Variants in UNC13C observed in about 807,000 individuals in gnomAD.
UNC13C encodes unc-13 homolog C, also known as protein unc-13 homolog C.
A neutral mutation model predicts 245.4 loss-of-function variants in UNC13C; 174 were observed. That is an observed-to-expected ratio of 0.71 (90% CI 0.63 to 0.80). The LOEUF (loss-of-function observed/expected upper bound fraction) is 0.80. Ranked by LOEUF, UNC13C falls within the 30% of genes least tolerant of loss-of-function variation. UNC13C has a pLI of 0.00. For missense variants in UNC13C, 2,829 were observed against 2,602.9 expected (o/e 1.09, Z -1.89); for synonymous variants, 992 against 895.1 (o/e 1.11, Z -1.93).
In UNC13C at chr15:54,004,231, CCAGATCCCACAAATAAGT is replaced by C. The variant is rs564142529; in HGVS notation, c.-256-8416_-256-8399del. ...TCCATGAGTTCAGTTGCTTTGATTTCCAGATCCCACAAATAAGTGAGAATATGCAATGTTTGTCTTTCT... is the reference window on the plus strand; with the variant it reads ...TCCATGAGTTCAGTTGCTTTGATTTCGAGAATATGCAATGTTTGTCTTTCT... On this transcript the variant is annotated intron_variant, in intron 1 of 32. Coordinates refer to ENST00000260323, the MANE Select transcript of UNC13C (RefSeq NM_001080534.3). 2.8e-3 allele frequency among the ~76,000 whole-genome samples: 433 copies of C among 152,290 alleles called. 3 individuals are homozygous for C. Among genetic ancestry groups the C allele is most frequent in the African/African-American group, 0.01 (418 of 41,566 alleles).
At chr15:54,162,348 G>T (rs1376755564) in intron 4 of UNC13C, among the ~76,000 whole-genome samples, 1 of 152,082 alleles carries the variant, frequency 6.6e-6, no homozygotes, top group Non-Finnish European at 1.5e-5. Flanking sequence ...GATTCCTTTG[G>T]CTTGTGACAC....
the UNC13C span, among the ~76,000 whole-genome samples, chr15:53,901,710 A>T: frequency 6.6e-6 from 1 of 152,228 alleles, no homozygotes; most frequent in Non-Finnish European, 1.5e-5. Context: ...AAACATATGA[A>T]TATTTTTGAG....
the UNC13C span, among the ~76,000 whole-genome samples, chr15:53,965,319 C>G: frequency 6.6e-6 from 1 of 152,052 alleles, no homozygotes; most frequent in Admixed American, 6.6e-5. Flanking sequence ...AAATCTCATA[C>G]ATCATATCAT....
intron 17 of UNC13C, among the ~76,000 whole-genome samples, chr15:54,388,645 C>A (rs1257385364): frequency 6.6e-6 from 1 of 152,168 alleles, no homozygotes; most frequent in African/African-American, 2.4e-5. Context: ...CACATAGACT[C>A]CGGATCTCAT....
Position 54,593,826 on chromosome 15 carries a change from A to C in UNC13C, c.6106+25879A>C, listed in dbSNP as rs1037728971. 5.3e-5 allele frequency among the ~76,000 whole-genome samples: 8 copies of C among 151,938 alleles called. No homozygotes were observed. The East Asian group carries it at 1.5e-3, about 29-fold the overall frequency. On this transcript the variant is annotated intron_variant, in intron 30 of 32. Coordinates refer to ENST00000260323, the MANE Select transcript of UNC13C (RefSeq NM_001080534.3). ...TAACTAACCTCCTGAATTCTTTTTC[A>C]GGTGAATCAGGGATTTCTTCTTGGT... is the stretch of plus-strand genomic sequence containing the variant.
intron 19 of UNC13C, among the ~76,000 whole-genome samples, chr15:54,485,953 C>A (rs995722991): frequency 1.3e-5 from 2 of 152,148 alleles, no homozygotes; most frequent in African/African-American, 4.8e-5. Context: ...CCACTTCCTC[C>A]CCTTACATTA....
At chr15:53,964,365 C>T in the UNC13C span, among the ~76,000 whole-genome samples, 1 of 152,120 alleles carries the variant, frequency 6.6e-6, no homozygotes, top group African/African-American at 2.4e-5. Flanking sequence ...GAAGTAGGCT[C>T]TTAAATCTAA....
chr15:54,480,647 T>C (rs1893056190), intron 19 of UNC13C, among the ~76,000 whole-genome samples: 1 of 152,120 alleles, frequency 6.6e-6, no homozygotes, highest in Non-Finnish European at 1.5e-5. Flanking sequence ...TTTATCTGGG[T>C]TCTCTTGCTC....
the UNC13C span, among the ~76,000 whole-genome samples, chr15:53,954,145 C>T: frequency 6.6e-6 from 1 of 152,168 alleles, no homozygotes; most frequent in Admixed American, 6.5e-5. Flanking sequence ...ACTAGGTGCC[C>T]AATTTTACAT....
intron 30 of UNC13C, among the ~76,000 whole-genome samples, chr15:54,573,005 A>T (rs999795701): frequency 1.2e-4 from 18 of 152,070 alleles, no homozygotes; most frequent in Non-Finnish European, 2.1e-4. Context: ...TGCATTTAAT[A>T]TAAGGAAAAA....
intron 10 of UNC13C, among the ~76,000 whole-genome samples, chr15:54,275,902 T>C (rs1486171503): frequency 6.6e-6 from 1 of 152,120 alleles, no homozygotes. Context: ...TGAATAGATA[T>C]AAGTCGTGGT....
intron 25 of UNC13C, among the ~76,000 whole-genome samples, chr15:54,527,181 T>G (rs944282969): frequency 2.6e-5 from 4 of 152,222 alleles, no homozygotes; most frequent in Non-Finnish European, 4.4e-5. Context: ...TCTGTTTACC[T>G]GAAGTTGGAG....
At chr15:54,438,996 A>C (rs1222871050) in intron 19 of UNC13C, among the ~76,000 whole-genome samples, 1 of 151,966 alleles carries the variant, frequency 6.6e-6, no homozygotes, top group East Asian at 1.9e-4. Context: ...TCTCACCCTT[A>C]AGTATCTGGT....
intron 19 of UNC13C, among the ~76,000 whole-genome samples, chr15:54,463,868 G>T (rs960817345): frequency 3.3e-5 from 5 of 152,130 alleles, no homozygotes; most frequent in Non-Finnish European, 7.4e-5. Flanking sequence ...CATGACAGAG[G>T]GTAAGACCAT....
intron 17 of UNC13C, among the ~76,000 whole-genome samples, chr15:54,362,789 T>C (rs1170030897): frequency 6.6e-6 from 1 of 152,022 alleles, no homozygotes; most frequent in Admixed American, 6.6e-5. Context: ...AGTTAAAATG[T>C]GGAAAATGCT....
At chr15:53,987,760 G>A (rs1440311569) in intron 1 of UNC13C, among the ~76,000 whole-genome samples, 1 of 152,022 alleles carries the variant, frequency 6.6e-6, no homozygotes, top group African/African-American at 2.4e-5. Flanking sequence ...GCACTGATGT[G>A]ACTGCGTTTA....
intron 30 of UNC13C, among the ~76,000 whole-genome samples, chr15:54,613,437 G>A (rs140561271): frequency 0.019 from 2,891 of 151,934 alleles, 53 homozygotes; most frequent in South Asian, 0.064. Context: ...TTTAAAATAA[G>A]TGAATTACAA....
chr15:54,112,928 G>T (rs964636839), intron 2 of UNC13C, among the ~76,000 whole-genome samples: 15 of 152,148 alleles, frequency 9.9e-5, no homozygotes, highest in African/African-American at 3.6e-4. Flanking sequence ...GTTATGCCTT[G>T]ATCAAACATT....
At chr15:53,873,173 T>G in the UNC13C span, among the ~76,000 whole-genome samples, 1 of 152,022 alleles carries the variant, frequency 6.6e-6, no homozygotes, top group African/African-American at 2.4e-5. Context: ...TAGTCTTTCC[T>G]CTGGGCTCGG....
Sources: allele counts gnomAD v4.1 joint callset (sites outside exome capture counted in the v4.1 genomes callset), GRCh38; gene constraint gnomAD v4.1.1; transcripts MANE v1.5; gene names NCBI Gene and HGNC (gene_info 2026-07-23, HGNC 2026-07-21).